AIG1: variants seen among roughly 807,000 people sequenced by gnomAD.
AIG1 encodes the protein androgen-induced gene 1 protein.
A neutral mutation model predicts 31.4 loss-of-function variants in AIG1; 23 were observed. That is an observed-to-expected ratio of 0.73 (90% CI 0.53 to 1.04). The LOEUF is 1.04. AIG1 is among the 50% of genes least tolerant of loss of function. The pLI is 0.00. For synonymous variants in AIG1, 100 were observed against 110.5 expected, an observed-to-expected ratio of 0.90 and a Z score of 0.60; for missense variants, 274 against 295.0, an observed-to-expected ratio of 0.93 and a Z score of 0.52.
At chr6:143,295,161 C>T (rs1798336297) in intron 4 of AIG1, among the ~76,000 whole-genome samples, 1 of 152,176 alleles carries the variant, frequency 6.6e-6, no homozygotes, top group Non-Finnish European at 1.5e-5. Context: ...CTCTTGGGCC[C>T]ACTCCAGGCA....
intron 1 of AIG1, among the ~76,000 whole-genome samples, chr6:143,112,742 A>G (rs1049438123): frequency 2.0e-5 from 3 of 152,202 alleles, no homozygotes; most frequent in African/African-American, 7.2e-5. Context: ...TATCCTCTCC[A>G]GGAAAACTCC....
At chr6:143,194,430 G>A (rs1272925736) in intron 3 of AIG1, among the ~76,000 whole-genome samples, 1 of 152,196 alleles carries the variant, frequency 6.6e-6, no homozygotes, top group Non-Finnish European at 1.5e-5. Context: ...TTCCAGATGA[G>A]ATTTGGGTGG....
rs1777310373 is a variant in AIG1 at position 143,334,308 on chromosome 6, A to G, written c.679+863A>G. On this transcript the variant is annotated intron_variant, in intron 5 of 5. Coordinates refer to ENST00000357847, the MANE Select transcript of AIG1 (RefSeq NM_016108.4). This position sits in a 1 kb window ranked among gnomAD's most constrained non-coding sequence, Gnocchi z 5.1. ...CATTCTAGACATCCCCAGTAAATGGACTCTGTGACACAGACATTGAGCACC... is the reference window on the plus strand; with the variant it reads ...CATTCTAGACATCCCCAGTAAATGGGCTCTGTGACACAGACATTGAGCACC... Among the ~76,000 whole-genome samples, 1 of 152,156 alleles carries G rather than the reference A, an allele frequency of 6.6e-6. No homozygotes were observed. Among genetic ancestry groups the G allele is most frequent in the Admixed American group, 6.5e-5 (1 of 15,276 alleles).
intron 3 of AIG1, among the ~76,000 whole-genome samples, chr6:143,263,774 G>C (rs1044999676): frequency 2.0e-5 from 3 of 152,160 alleles, no homozygotes; most frequent in African/African-American, 4.8e-5. Context: ...ATTCCACCGA[G>C]TGGATATATC....
intron 1 of AIG1, among the ~76,000 whole-genome samples, chr6:143,088,022 A>T (rs1268017949): frequency 1.3e-5 from 2 of 152,194 alleles, no homozygotes; most frequent in Non-Finnish European, 2.9e-5. Flanking sequence ...GGGCTCATAA[A>T]ACCTTGAGCC....
intron 4 of AIG1, among the ~76,000 whole-genome samples, chr6:143,296,945 A>G (rs1420847089): frequency 6.6e-6 from 1 of 152,208 alleles, no homozygotes; most frequent in Non-Finnish European, 1.5e-5. Context: ...GCACTTATTG[A>G]GTGCCTACCA....
intron 3 of AIG1, among the ~76,000 whole-genome samples, chr6:143,224,139 G>A (rs534378239): frequency 1.3e-4 from 20 of 152,218 alleles, no homozygotes; most frequent in African/African-American, 4.6e-4. Context: ...CTGTTGATTT[G>A]GAAGGCACAC....
chr6:143,247,862 C>G (rs759623749), intron 3 of AIG1, among the ~76,000 whole-genome samples: 1 of 152,150 alleles, frequency 6.6e-6, no homozygotes, highest in African/African-American at 2.4e-5. Flanking sequence ...ATGTTAGGAC[C>G]TGGTTTGAAT....
chr6:143,065,182 G>C (rs1268179206), intron 1 of AIG1, among the ~76,000 whole-genome samples: 1 of 152,102 alleles, frequency 6.6e-6, no homozygotes, highest in Non-Finnish European at 1.5e-5. Flanking sequence ...GTGGTTTTTC[G>C]GTTGCCCCAG....
intron 1 of AIG1, among the ~76,000 whole-genome samples, chr6:143,065,261 C>T (rs867781778): frequency 2.0e-5 from 3 of 152,188 alleles, no homozygotes; most frequent in Non-Finnish European, 4.4e-5. Flanking sequence ...GGCTGAGCTT[C>T]GGCTTAGAGG....
chr6:143,101,416 G>T (rs540332866), intron 1 of AIG1, among the ~76,000 whole-genome samples: 5 of 152,324 alleles, frequency 3.3e-5, no homozygotes, highest in African/African-American at 9.6e-5. Context: ...GGAATTATTG[G>T]TTGGGGGAAA....
intron 2 of AIG1, 67 bp from the exon 3 acceptor site, chr6:143,165,015 T>A (rs1786787836): frequency 2.4e-6 from 3 of 1,234,582 alleles, no homozygotes; most frequent in Admixed American, 3.7e-5. Flanking sequence ...CAACTATTGT[T>A]AACCAATAAA....
chr6:143,148,715 T>A (rs956701775), intron 2 of AIG1, among the ~76,000 whole-genome samples: 1 of 151,828 alleles, frequency 6.6e-6, no homozygotes, highest in African/African-American at 2.4e-5. Context: ...CCCTGCTACA[T>A]GGGAGACTGC....
intron 1 of AIG1, among the ~76,000 whole-genome samples, chr6:143,134,171 G>A (rs1783516246): frequency 6.6e-6 from 1 of 151,950 alleles, no homozygotes; most frequent in Non-Finnish European, 1.5e-5. Flanking sequence ...ATTTCAGTAT[G>A]CCAAATAACC....
chr6:143,297,872 C>T lies in AIG1; in HGVS notation c.515+13647C>T, dbSNP rs947847175. ...CTTTCTGGTAGCACTTTTATTCTTCCTTGCACAATGACGTATCCTTGGGCT... is the reference window on the plus strand; with the variant it reads ...CTTTCTGGTAGCACTTTTATTCTTCTTTGCACAATGACGTATCCTTGGGCT... On this transcript the variant is annotated intron_variant, in intron 4 of 5. Transcript: ENST00000357847. This position sits in a 1 kb window ranked among gnomAD's most constrained non-coding sequence, Gnocchi z 5.1. Among the ~76,000 whole-genome samples, 6 of 151,602 alleles carry T rather than the reference C, an allele frequency of 4.0e-5. No individual in the cohort carries two copies. Among genetic ancestry groups the T allele is most frequent in the Admixed American group, 6.6e-5 (1 of 15,226 alleles).
At chr6:143,310,100 T>A (rs968244704) in intron 4 of AIG1, among the ~76,000 whole-genome samples, 1 of 151,824 alleles carries the variant, frequency 6.6e-6, no homozygotes, top group Non-Finnish European at 1.5e-5. Context: ...AGGCAAAAAA[T>A]TCATACAGAT....
Position 143,280,018 on chromosome 6 carries a change from C to A in AIG1, c.400-4092C>A, listed in dbSNP as rs1313737759. On this transcript the variant is annotated intron_variant, in intron 3 of 5. Transcript: ENST00000357847. This position sits in a 1 kb window ranked among gnomAD's most constrained non-coding sequence, Gnocchi z 4.1. Reference sequence around the variant, plus strand: ...AATGTACTGCAGAAAACAGTCCAAACAATTCTTAAGAGCTAAGAGCCACCT... The same window carrying A: ...AATGTACTGCAGAAAACAGTCCAAAAAATTCTTAAGAGCTAAGAGCCACCT... Among the ~76,000 whole-genome samples the A allele has an allele frequency of 1.1e-4, 16 of 152,200 alleles. No individual in the cohort carries two copies. The highest frequency in any genetic ancestry group is 2.2e-4 in the Non-Finnish European group (15 of 68,026).
At chr6:143,229,885 C>G (rs543317741) in intron 3 of AIG1, among the ~76,000 whole-genome samples, 11 of 150,866 alleles carry the variant, frequency 7.3e-5, no homozygotes, top group Non-Finnish European at 1.5e-4. Flanking sequence ...ATTTACAAGG[C>G]TTCATCATTC....
intron 1 of AIG1, among the ~76,000 whole-genome samples, chr6:143,119,286 G>A (rs530589676): frequency 7.2e-5 from 11 of 152,110 alleles, no homozygotes; most frequent in African/African-American, 1.7e-4. Flanking sequence ...TAAACCTTGC[G>A]GTGCATCTCT....
Sources: gnomAD v4.1 joint callset for allele counts (sites outside exome capture counted in the v4.1 genomes callset) on GRCh38, gnomAD v4.1.1 for gene constraint, Gnocchi (gnomAD v3.1) non-coding constraint, MANE v1.5 for transcripts, NCBI Gene and HGNC (gene_info 2026-07-23, HGNC 2026-07-21) for gene names.